ATG7: variants seen among roughly 807,000 people sequenced by gnomAD.
ATG7 encodes the protein ubiquitin-like modifier-activating enzyme ATG7.
Under a neutral mutation model 82.4 loss-of-function variants are expected in ATG7, and 70 were observed. The ratio of observed to expected loss-of-function variants is 0.85; its 90% confidence interval spans 0.70 to 1.04. ATG7 has a LOEUF of 1.04. Among genes scored for constraint, ATG7 ranks in the 50% least tolerant of loss-of-function variants. The pLI, the probability that ATG7 is intolerant of heterozygous loss-of-function variation, is 0.00. For missense variants in ATG7, 792 were observed against 864.3 expected (o/e 0.92, Z 1.05); for synonymous variants, 287 against 313.0 (o/e 0.92, Z 0.88).
chr3:11,573,254 A>G, the ATG7 span, among the ~76,000 whole-genome samples: 2 of 3,744 alleles, frequency 5.3e-4, 1 homozygote, highest in African/African-American at 4.1e-3. Context: ...AGAGAAAGAA[A>G]GAAAGAAAGA....
intron 20 of ATG7, among the ~76,000 whole-genome samples, chr3:11,438,453 C>T (rs1487090114): frequency 1.3e-5 from 2 of 152,122 alleles, no homozygotes; most frequent in Non-Finnish European, 2.9e-5. Flanking sequence ...GTAGTCCTAG[C>T]TACTTGGGAG....
intron 20 of ATG7, among the ~76,000 whole-genome samples, chr3:11,442,247 G>A (rs1009116080): frequency 6.6e-6 from 1 of 152,170 alleles, no homozygotes; most frequent in Non-Finnish European, 1.5e-5. Flanking sequence ...ATGGAAGGGA[G>A]CATAGGATGT....
chr3:11,564,144 G>A, the ATG7 span, among the ~76,000 whole-genome samples: 1 of 152,256 alleles, frequency 6.6e-6, no homozygotes, highest in Admixed American at 6.5e-5. Context: ...CCTCCTCAAT[G>A]CTGCTGCCTT....
At chr3:11,420,184 A>G (rs1416888895) in intron 19 of ATG7, among the ~76,000 whole-genome samples, 1 of 152,248 alleles carries the variant, frequency 6.6e-6, no homozygotes, top group African/African-American at 2.4e-5. Context: ...TAAGCCACTT[A>G]TAACACAGAT....
At chr3:11,383,256 ATCTT>A (rs2078054603) in intron 19 of ATG7, among the ~76,000 whole-genome samples, 2 of 151,984 alleles carry the variant, frequency 1.3e-5, no homozygotes, top group Non-Finnish European at 2.9e-5. Flanking sequence ...AAGTTACTTC[ATCTT>A]TCTTTATCTT....
At chr3:11,565,809 G>A in the ATG7 span, among the ~76,000 whole-genome samples, 3 of 152,308 alleles carry the variant, frequency 2.0e-5, no homozygotes, top group East Asian at 3.9e-4. The surrounding 1 kb of genome is among the most constrained non-coding windows in gnomAD (Gnocchi z 4.1). Flanking sequence ...GCAGCGTTAC[G>A]TGTTGCATCT....
intron 20 of ATG7, among the ~76,000 whole-genome samples, chr3:11,483,761 C>A (rs531677548): frequency 3.3e-5 from 5 of 152,268 alleles, no homozygotes; most frequent in Admixed American, 6.5e-5. Flanking sequence ...TGCTTTAATG[C>A]AGTGGGTTTT....
At chr3:11,344,840 G>A (rs1954246465) in intron 13 of ATG7, among the ~76,000 whole-genome samples, 1 of 152,132 alleles carries the variant, frequency 6.6e-6, no homozygotes, top group South Asian at 2.1e-4. Flanking sequence ...CTGCTCTCCA[G>A]CCTGCGTGAT....
chr3:11,281,489 C>G (rs1321121130), intron 2 of ATG7, among the ~76,000 whole-genome samples: 1 of 152,050 alleles, frequency 6.6e-6, no homozygotes, highest in Non-Finnish European at 1.5e-5. Flanking sequence ...TTTGAAAAAT[C>G]AGGCCGGGTG....
intron 20 of ATG7, among the ~76,000 whole-genome samples, chr3:11,479,850 T>A (rs1446823300): frequency 6.6e-6 from 1 of 152,022 alleles, no homozygotes; most frequent in Non-Finnish European, 1.5e-5. Context: ...TGTGTACCAT[T>A]ACTAGAATAT....
rs79543581 is a variant in ATG7, at chr3:11,529,074, G to T, written c.2080-25737G>T. ...GAAGGCACTGTGGAAAAAAGGGGGC[G>T]GTACATTCAGGTGACAGTGGAAACT... On this transcript the variant is annotated intron_variant, in intron 20 of 20. Transcript: ENST00000693202. 2.1e-3 allele frequency among the ~76,000 whole-genome samples: 314 copies of T among 151,948 alleles called. 1 individual carries two copies. The highest frequency in any genetic ancestry group is 7.3e-3 in the African/African-American group (303 of 41,422).
At chr3:11,335,208 A>G (rs1313320268) in intron 11 of ATG7, among the ~76,000 whole-genome samples, 1 of 151,940 alleles carries the variant, frequency 6.6e-6, no homozygotes. Flanking sequence ...CTCTCCTGGC[A>G]AATTCTAAAA....
chr3:11,503,858 C>T (rs1279925789), intron 20 of ATG7, among the ~76,000 whole-genome samples: 1 of 150,042 alleles, frequency 6.7e-6, no homozygotes, highest in Non-Finnish European at 1.5e-5. Flanking sequence ...GAAATTTAGA[C>T]TATCTTCCAG....
At chr3:11,302,650 A>G (rs1473061975) in intron 5 of ATG7, among the ~76,000 whole-genome samples, 2 of 152,216 alleles carry the variant, frequency 1.3e-5, no homozygotes, top group East Asian at 3.9e-4. Flanking sequence ...ATTTCAGGAA[A>G]ACTTATTGAT....
chr3:11,341,705 C>G (rs913261171), intron 12 of ATG7, among the ~76,000 whole-genome samples: 10 of 152,170 alleles, frequency 6.6e-5, no homozygotes, highest in African/African-American at 2.2e-4. Flanking sequence ...GCTTTGGCCT[C>G]CCAAAGCGCT....
intron 9 of ATG7, among the ~76,000 whole-genome samples, chr3:11,322,187 CA>C (rs1328288470): frequency 2.0e-5 from 3 of 152,066 alleles, no homozygotes; most frequent in Non-Finnish European, 2.9e-5. Flanking sequence ...TGTTATAACC[CA>C]ATACATGTCT....
At chr3:11,401,782 A>AT (rs2079862195) in intron 19 of ATG7, among the ~76,000 whole-genome samples, 1 of 152,194 alleles carries the variant, frequency 6.6e-6, no homozygotes, top group Admixed American at 6.5e-5. Flanking sequence ...CCTACAGACT[A>AT]TAAGCTCTAA....
At chr3:11,437,874 A>T (rs760149405) in intron 20 of ATG7, among the ~76,000 whole-genome samples, 3 of 152,224 alleles carry the variant, frequency 2.0e-5, no homozygotes, top group African/African-American at 4.8e-5. Context: ...ACAGAGTACC[A>T]TCATCACAGA....
At chr3:11,428,734 G>A (rs779311478) in intron 20 of ATG7, among the ~76,000 whole-genome samples, 1 of 152,202 alleles carries the variant, frequency 6.6e-6, no homozygotes, top group African/African-American at 2.4e-5. Flanking sequence ...ATAGATGTTT[G>A]TAAACATACA....
Sources: allele counts gnomAD v4.1 joint callset (sites outside exome capture counted in the v4.1 genomes callset), GRCh38; gene constraint gnomAD v4.1.1; non-coding constraint Gnocchi (gnomAD v3.1); transcripts MANE v1.5; gene names NCBI Gene and HGNC (gene_info 2026-07-23, HGNC 2026-07-21).